PLBD1: variants seen among roughly 807,000 people sequenced by gnomAD.
PLBD1 encodes lysosomal leucine aminopeptidase.
In PLBD1, 60 loss-of-function variants were observed where a neutral mutation model predicts 63.0. The observed-to-expected ratio is 0.95, with a 90% CI of 0.77 to 1.18. The LOEUF is 1.18. Ranked by LOEUF, PLBD1 falls within the 50% of genes most tolerant of loss-of-function variation. The pLI, the probability that PLBD1 is intolerant of heterozygous loss-of-function variation, is 0.00. For missense variants in PLBD1, 598 were observed against 677.9 expected, an observed-to-expected ratio of 0.88 and a Z score of 1.31; for synonymous variants, 262 against 248.0, an observed-to-expected ratio of 1.06 and a Z score of -0.53.
At chr12:14,521,515 A>T (rs1210717605) in intron 6 of PLBD1, among the ~76,000 whole-genome samples, 2 of 152,170 alleles carry the variant, frequency 1.3e-5, no homozygotes, top group Non-Finnish European at 2.9e-5. Context: ...CTAGGATGCC[A>T]CTGAGGCATC....
At chr12:14,529,766 T>A (rs1945444841) in intron 6 of PLBD1, among the ~76,000 whole-genome samples, 1 of 152,082 alleles carries the variant, frequency 6.6e-6, no homozygotes, top group Non-Finnish European at 1.5e-5. Flanking sequence ...CTGGAGGTCT[T>A]CTCCAGCACA....
intron 8 of PLBD1, among the ~76,000 whole-genome samples, chr12:14,508,522 A>T (rs561142366): frequency 8.5e-5 from 13 of 152,294 alleles, no homozygotes; most frequent in Non-Finnish European, 2.9e-5. Context: ...TAATCCCAGC[A>T]CTTTGGGAGG....
intron 3 of PLBD1, among the ~76,000 whole-genome samples, chr12:14,541,325 G>C (rs946823248): frequency 6.6e-6 from 1 of 152,130 alleles, no homozygotes; most frequent in Non-Finnish European, 1.5e-5. Context: ...AGGACAAGGT[G>C]GTTTATATCT....
intron 6 of PLBD1, among the ~76,000 whole-genome samples, chr12:14,512,780 C>A (rs184363404): frequency 4.9e-4 from 75 of 152,304 alleles, no homozygotes; most frequent in Non-Finnish European, 5.9e-5. Flanking sequence ...TCCTTCGGTG[C>A]ATCCTGCTGA....
chr12:14,508,340 A>T (rs1205815313), intron 8 of PLBD1, among the ~76,000 whole-genome samples: 1 of 152,250 alleles, frequency 6.6e-6, no homozygotes, highest in African/African-American at 2.4e-5. Context: ...AAATGCATTC[A>T]GATGGAGTGC....
At chr12:14,536,887 G>C (rs1945521626) in intron 4 of PLBD1, among the ~76,000 whole-genome samples, 177 bp from the exon 5 acceptor site, 1 of 152,042 alleles carries the variant, frequency 6.6e-6, no homozygotes, top group Non-Finnish European at 1.5e-5. Context: ...TGAGGGGTTT[G>C]AGACCAGCCT....
chr12:14,528,496 T>C lies in PLBD1; in HGVS notation c.844+7163A>G, dbSNP rs570976435. 2.0e-5 allele frequency among the ~76,000 whole-genome samples: 3 copies of C among 152,276 alleles called. No homozygotes were observed. In the South Asian group the frequency reaches 6.2e-4, roughly 32 times the overall value. On this transcript the variant is annotated intron_variant, in intron 6 of 10. Transcript: ENST00000240617. ...AAACAATACACTTCCAAATAAGCTA[T>C]GGATTAAATAAATCGTGATAAATTA...
intron 2 of PLBD1, 119 bp downstream of exon 2, chr12:14,553,074 T>C (rs1945672541): frequency 1.1e-6 from 1 of 909,718 alleles, no homozygotes; most frequent in African/African-American, 1.7e-5. Flanking sequence ...CTATCACACA[T>C]GTGAACTCCA....
intron 6 of PLBD1, among the ~76,000 whole-genome samples, chr12:14,533,715 T>A (rs1447981750): frequency 6.6e-6 from 1 of 152,214 alleles, no homozygotes; most frequent in Non-Finnish European, 1.5e-5. Flanking sequence ...ACAGTCTAAC[T>A]CAGAGAGAGG....
chr12:14,511,155 A>G, intron 8 of PLBD1, 105 bp downstream of exon 8: 1 of 773,828 alleles, frequency 1.3e-6, no homozygotes, highest in East Asian at 3.2e-5. Context: ...TGTCTTCCCC[A>G]CCATACCCTC....
intron 2 of PLBD1, among the ~76,000 whole-genome samples, chr12:14,552,721 G>A (rs564056145): frequency 1.4e-4 from 21 of 152,240 alleles, no homozygotes; most frequent in African/African-American, 4.8e-4. Flanking sequence ...GGCAACATGG[G>A]GAGACCCTGT....
chr12:14,517,272 A>T (rs1472389157), intron 6 of PLBD1, among the ~76,000 whole-genome samples: 1 of 152,088 alleles, frequency 6.6e-6, no homozygotes, highest in Non-Finnish European at 1.5e-5. Context: ...AGGCCTCCTG[A>T]GTAGCTGGGG....
chr12:14,505,098 A>G (rs939416582), intron 10 of PLBD1, among the ~76,000 whole-genome samples: 1 of 136,512 alleles, frequency 7.3e-6, no homozygotes, highest in Non-Finnish European at 1.6e-5. Context: ...CAGCTTCTCT[A>G]CGTCTACCTT....
rs374052667 is a variant in PLBD1 at position 14,503,925 on chromosome 12, G to A, written c.1509C>T (p.Tyr503=). Residue 503 remains tyrosine, a synonymous_variant, in exon 11 of 11, where the codon TAC becomes TAT. Coordinates refer to ENST00000240617, the MANE Select transcript of PLBD1 (RefSeq NM_024829.6). ...TGGGACCACTTATGGCATAGGATGT[G>A]TACTGAGATGCTAGGTAGATATCTG... The part of the protein sequence containing the change: ...KVADIYLASQ[Y]TSYAISGPTV... 30 of 1,611,762 alleles carry A rather than the reference G, an allele frequency of 1.9e-5. No individual in the cohort carries two copies. Among genetic ancestry groups the A allele is most frequent in the Middle Eastern group, 1.6e-4 (1 of 6,062 alleles).
chr12:14,557,424 T>C (rs1242006837), intron 1 of PLBD1, among the ~76,000 whole-genome samples: 2 of 152,142 alleles, frequency 1.3e-5, no homozygotes, highest in African/African-American at 4.8e-5. Context: ...GGCCCATCAG[T>C]GGTAGACTGG....
intron 2 of PLBD1, among the ~76,000 whole-genome samples, chr12:14,545,548 G>A (rs1053078193): frequency 2.6e-5 from 4 of 152,194 alleles, no homozygotes; most frequent in African/African-American, 9.6e-5. Context: ...CCTCTGGACT[G>A]AATATTTACC....
At chr12:14,567,471 C>A in intron 1 of PLBD1, 111 bp downstream of exon 1, 1 of 1,356,332 alleles carries the variant, frequency 7.4e-7, no homozygotes, top group South Asian at 1.6e-5. Flanking sequence ...TGAGTTCACC[C>A]AGGAACCAGA....
intron 1 of PLBD1, chr12:14,553,966 C>T (rs111905389): frequency 6.3e-6 from 1 of 160,000 alleles, no homozygotes; most frequent in African/African-American, 2.4e-5. Flanking sequence ...ATTGCCCTCA[C>T]TTCCAACGCC....
chr12:14,528,873 G>A (rs1945438189), intron 6 of PLBD1, among the ~76,000 whole-genome samples: 1 of 151,756 alleles, frequency 6.6e-6, no homozygotes, highest in African/African-American at 2.4e-5. Context: ...TAGAAAGAAG[G>A]GATAAATTCC....
Sources: allele counts gnomAD v4.1 joint callset (sites outside exome capture counted in the v4.1 genomes callset), GRCh38; gene constraint gnomAD v4.1.1; transcripts MANE v1.5; gene names NCBI Gene and HGNC (gene_info 2026-07-23, HGNC 2026-07-21).